VCAN: variants seen among roughly 807,000 people sequenced by gnomAD.
The protein encoded by VCAN is versican, also known as versican core protein.
A neutral mutation model predicts 245.5 loss-of-function variants in VCAN; 44 were observed. The observed-to-expected ratio is 0.18, with a 90% CI of 0.14 to 0.23. The LOEUF (loss-of-function observed/expected upper bound fraction) is 0.23. Among genes scored for constraint, VCAN ranks in the 10% least tolerant of loss-of-function variants. The pLI is 1.00. For synonymous variants in VCAN, 1,413 were observed against 1,437.0 expected, an observed-to-expected ratio of 0.98 and a Z score of 0.38; for missense variants, 3,793 against 4,057.9, an observed-to-expected ratio of 0.93 and a Z score of 1.77.
At chr5:83,536,836 A>G in intron 7 of VCAN, 171 bp from the exon 8 acceptor site, 1 of 547,254 alleles carries the variant, frequency 1.8e-6, no homozygotes, top group African/African-American at 1.9e-5. Context: ...GTTAATACAA[A>G]AACAGTAAAT....
chr5:83,550,977 G>A (rs1189783553), intron 10 of VCAN, among the ~76,000 whole-genome samples: 3 of 138,434 alleles, frequency 2.2e-5, no homozygotes, highest in Non-Finnish European at 3.1e-5. Flanking sequence ...AGTGGTTTTT[G>A]CAGATATATT....
intron 7 of VCAN, chr5:83,536,798 A>C: frequency 2.1e-6 from 1 of 473,212 alleles, no homozygotes; most frequent in Non-Finnish European, 3.7e-6. Context: ...TGTTTTAATA[A>C]TGTTAAATTG....
chr5:83,561,364 A>T (rs2112481868), intron 12 of VCAN, among the ~76,000 whole-genome samples: 1 of 152,266 alleles, frequency 6.6e-6, no homozygotes, highest in Non-Finnish European at 1.5e-5. Context: ...TAGTTGTGAT[A>T]TAAACTAAAA....
At chr5:83,494,032 C>G in intron 5 of VCAN, 101 bp downstream of exon 5, 1 of 1,583,682 alleles carries the variant, frequency 6.3e-7, no homozygotes, top group Non-Finnish European at 8.7e-7. Flanking sequence ...TGTTTGGATT[C>G]CAAACGGTGG....
chr5:83,523,091 C>T (rs1194028365), intron 7 of VCAN, among the ~76,000 whole-genome samples: 1 of 152,150 alleles, frequency 6.6e-6, no homozygotes, highest in African/African-American at 2.4e-5. Context: ...TTCTATTCCA[C>T]TCAAATATTT....
intron 5 of VCAN, among the ~76,000 whole-genome samples, chr5:83,504,790 C>T (rs998928303): frequency 1.2e-4 from 18 of 152,040 alleles, no homozygotes; most frequent in South Asian, 4.1e-4. Flanking sequence ...ATGTATTAGT[C>T]CATTTTCATG....
In VCAN at chr5:83,540,392, G is replaced by C. The variant is rs764797831; in HGVS notation, c.7389G>C (p.Gly2463=). The C allele has an allele frequency of 1.2e-6, 2 of 1,613,842 alleles. No individual in the cohort carries two copies. The highest frequency in any genetic ancestry group is 1.3e-5 in the African/African-American group (1 of 74,878). ...QESSTTFVSD[G]SLEKHPEVPS... The stretch of plus-strand genomic sequence containing the variant: ...GCAGCACCACATTTGTTTCTGATGG[G>C]TCCCTGGAAAAACATCCTGAGGTGC... Residue 2463 remains glycine, a synonymous_variant, in exon 8 of 15, where the codon GGG becomes GGC. Transcript: ENST00000265077.
chr5:83,549,208 A>C (rs1476007781), intron 10 of VCAN, among the ~76,000 whole-genome samples: 1 of 152,198 alleles, frequency 6.6e-6, no homozygotes, highest in Non-Finnish European at 1.5e-5. Context: ...CAATTCAAAA[A>C]ATCGTTTTTT....
rs1746047624 is a variant in VCAN, at chr5:83,520,609, A to T, written c.2303A>T (p.Glu768Val). 1 of 1,614,018 alleles carries T rather than the reference A, an allele frequency of 6.2e-7. No individual in the cohort carries two copies. The highest frequency in any genetic ancestry group is 8.5e-7 in the Non-Finnish European group (1 of 1,179,986). ...CCAACAGAAGTAAGAGATATGGAGG[A>T]AGACTTTACAGCAACTCCAGGTACT... ...AEPTEVRDME[E>V]DFTATPGTTK... The change falls in exon 7 of 15, where the codon GAA becomes GTA. Residue 768 changes from glutamate (E) to valine (V), a missense_variant. Physicochemically the swap from Glu to Val is moderately radical, Grantham distance 121. Transcript: ENST00000265077.
At chr5:83,507,255 T>C (rs1327843571) in intron 5 of VCAN, among the ~76,000 whole-genome samples, 3 of 152,216 alleles carry the variant, frequency 2.0e-5, no homozygotes. Flanking sequence ...ACAAAAAAGA[T>C]GCTTGTTTTC....
intron 5 of VCAN, among the ~76,000 whole-genome samples, chr5:83,511,310 CT>C (rs1745648426): frequency 6.6e-6 from 1 of 151,898 alleles, no homozygotes; most frequent in Non-Finnish European, 1.5e-5. Context: ...CTTGGGGTGT[CT>C]TTGTAAGAAT....
At chr5:83,489,935 A>G (rs1449110047) in intron 2 of VCAN, among the ~76,000 whole-genome samples, 163 bp from the exon 3 acceptor site, 1 of 152,126 alleles carries the variant, frequency 6.6e-6, no homozygotes, top group Non-Finnish European at 1.5e-5. Context: ...GTAAAACATC[A>G]TTGAAATTGT....
At chr5:83,564,834 A>G (rs1260073294) in intron 12 of VCAN, among the ~76,000 whole-genome samples, 2 of 152,114 alleles carry the variant, frequency 1.3e-5, no homozygotes, top group Non-Finnish European at 2.9e-5. Flanking sequence ...TGTATTGTGA[A>G]TGGCTTGACT....
In VCAN at chr5:83,525,073, A is replaced by G. The variant is rs1453082397; in HGVS notation, c.4003+2764A>G. Among the ~76,000 whole-genome samples the G allele has an allele frequency of 2.0e-5, 3 of 146,410 alleles. No individual in the cohort carries two copies. In the East Asian group the frequency reaches 6.2e-4, roughly 30 times the overall value. On this transcript the variant is annotated intron_variant, in intron 7 of 14. Transcript: ENST00000265077. ...TTTTTTTTTTTTTTTTACTACTATGAAACAAAACATGCTACTCAGGACACA... is the reference window on the plus strand; with the variant it reads ...TTTTTTTTTTTTTTTTACTACTATGGAACAAAACATGCTACTCAGGACACA...
In VCAN at chr5:83,521,860, T is replaced by C. The variant is rs1746117971; in HGVS notation, c.3554T>C (p.Phe1185Ser). The change falls in exon 7 of 15, where the codon TTT becomes TCT. Residue 1185 changes from phenylalanine to serine, a missense_variant. Physicochemically the swap from Phe to Ser is radical, Grantham distance 155. Around this residue, in one of 5 missense-constraint regions of VCAN, gnomAD observed 3,182 missense variants for 3,250.3 expected, o/e 0.98. Coordinates refer to ENST00000265077, the MANE Select transcript of VCAN (RefSeq NM_004385.5). ...GATATTGATTTAGGCTCAGGATTAT[T>C]TGAAAAGCCCAAAGCCACAGAACTC... ...LEDIDLGSGL[F>S]EKPKATELIE... 6.2e-7 allele frequency: 1 copy of C among 1,614,134 alleles called. No individual in the cohort carries two copies. Among genetic ancestry groups the C allele is most frequent in the Non-Finnish European group, 8.5e-7 (1 of 1,180,020 alleles).
intron 5 of VCAN, among the ~76,000 whole-genome samples, chr5:83,499,142 C>A (rs974662920): frequency 6.6e-6 from 1 of 152,172 alleles, no homozygotes; most frequent in African/African-American, 2.4e-5. Flanking sequence ...CTTCCAGGAT[C>A]CCCCTTTTGG....
chr5:83,506,732 G>A (rs1745493461), intron 5 of VCAN, among the ~76,000 whole-genome samples: 1 of 152,126 alleles, frequency 6.6e-6, no homozygotes, highest in African/African-American at 2.4e-5. Flanking sequence ...TTTTCACACT[G>A]CTGATAAAGG....
rs759773895 is a variant in VCAN at position 83,538,377 on chromosome 5, G to A, written c.5374G>A (p.Val1792Ile). 3.1e-6 allele frequency: 5 copies of A among 1,613,886 alleles called. No individual in the cohort carries two copies. Among genetic ancestry groups the A allele is most frequent in the Non-Finnish European group, 4.2e-6 (5 of 1,179,968 alleles). ...SEREMTDSTP[V>I]FTETNTLENL... ...AAGGGAAATGACAGATTCTACTCCT[G>A]TCTTTACAGAAACAAATACATTAGA... The change falls in exon 8 of 15, where the codon GTC becomes ATC. Residue 1792 changes from valine to isoleucine, a missense_variant. Around this residue, in one of 5 missense-constraint regions of VCAN, gnomAD observed 3,182 missense variants for 3,250.3 expected, o/e 0.98. Transcript: ENST00000265077.
At position 83,540,392 on chromosome 5, in the gene VCAN, G is replaced by A; in HGVS notation, c.7389G>A (p.Gly2463=). The A allele has an allele frequency of 6.2e-7, 1 of 1,613,960 alleles. No homozygotes were observed. The highest frequency in any genetic ancestry group is 8.5e-7 in the Non-Finnish European group (1 of 1,179,942). Residue 2463 remains glycine, a synonymous_variant, in exon 8 of 15, where the codon GGG becomes GGA. Coordinates refer to ENST00000265077, the MANE Select transcript of VCAN (RefSeq NM_004385.5). ...GCAGCACCACATTTGTTTCTGATGG[G>A]TCCCTGGAAAAACATCCTGAGGTGC... ...QESSTTFVSD[G]SLEKHPEVPS...
Sources: gnomAD v4.1 joint callset for allele counts (sites outside exome capture counted in the v4.1 genomes callset) on GRCh38, gnomAD v4.1.1 for gene constraint, gnomAD v4.1.1 regional missense constraint, MANE v1.5 for transcripts, NCBI Gene and HGNC (gene_info 2026-07-23, HGNC 2026-07-21) for gene names.